DOCK9: variants seen among roughly 807,000 people sequenced by gnomAD.
DOCK9 encodes the protein dedicator of cytokinesis protein 9.
A neutral mutation model predicts 263.3 loss-of-function variants in DOCK9; 89 were observed. The observed-to-expected ratio is 0.34, with a 90% CI of 0.28 to 0.40. The LOEUF is 0.40. Ranked by LOEUF, DOCK9 falls within the 10% of genes least tolerant of loss-of-function variation. The pLI is 1.00. For synonymous variants in DOCK9, 976 were observed against 973.1 expected, an observed-to-expected ratio of 1.00 and a Z score of -0.06; for missense variants, 2,140 against 2,603.4, an observed-to-expected ratio of 0.82 and a Z score of 3.87.
At chr13:98,814,009 T>C (rs1011382443) in intron 45 of DOCK9, among the ~76,000 whole-genome samples, 13 of 152,236 alleles carry the variant, frequency 8.5e-5, no homozygotes, top group African/African-American at 3.1e-4. Context: ...TTCACAATAC[T>C]GTAAATGAAG....
intron 1 of DOCK9, among the ~76,000 whole-genome samples, chr13:99,062,968 C>A (rs892923343): frequency 3.3e-5 from 5 of 152,180 alleles, no homozygotes; most frequent in Admixed American, 6.5e-5. Context: ...GCTGGGCATC[C>A]ATCATGACAC....
intron 34 of DOCK9, among the ~76,000 whole-genome samples, chr13:98,855,089 C>A (rs1347724189): frequency 2.0e-5 from 3 of 152,202 alleles, no homozygotes; most frequent in African/African-American, 4.8e-5. Flanking sequence ...ATGGTCTGAG[C>A]ACTTAGTAGT....
At chr13:98,993,799 A>T (rs1880377844) in intron 1 of DOCK9, among the ~76,000 whole-genome samples, 1 of 133,766 alleles carries the variant, frequency 7.5e-6, no homozygotes, top group Non-Finnish European at 1.7e-5. Context: ...AATAAATAAA[A>T]GTTTTGGTTT....
intron 49 of DOCK9, among the ~76,000 whole-genome samples, chr13:98,800,849 A>G (rs2090033434): frequency 6.6e-6 from 1 of 152,354 alleles, no homozygotes; most frequent in South Asian, 2.1e-4. Context: ...ATTTTGAGAT[A>G]CTACATAACA....
At chr13:98,826,717 TCACAAACA>T (rs2140819500) in intron 44 of DOCK9, 105 bp downstream of exon 44, 30 of 853,098 alleles carry the variant, frequency 3.5e-5, no homozygotes, top group Non-Finnish European at 5.5e-5. Flanking sequence ...CGAATACACT[TCACAAACA>T]CACAAATCCC....
chr13:98,889,231 C>T (rs1053222257), intron 15 of DOCK9, among the ~76,000 whole-genome samples: 3 of 151,958 alleles, frequency 2.0e-5, no homozygotes, highest in South Asian at 2.1e-4. Context: ...TGAACTTTGG[C>T]GACTTGTGGG....
At chr13:98,957,811 A>C (rs1379305030) in intron 1 of DOCK9, among the ~76,000 whole-genome samples, 9 of 152,228 alleles carry the variant, frequency 5.9e-5, no homozygotes, top group African/African-American at 1.9e-4. Flanking sequence ...TCCATTACAA[A>C]GAGGTCAGAT....
chr13:98,861,317 A>G (rs971333780), intron 32 of DOCK9, among the ~76,000 whole-genome samples: 16 of 152,196 alleles, frequency 1.1e-4, no homozygotes, highest in Admixed American at 9.2e-4. Context: ...GGGACACTGC[A>G]TCACTGTTGG....
At position 99,042,606 on chromosome 13, in the gene DOCK9, T is replaced by C. The variant is rs1721869461; in HGVS notation, c.129+43617A>G. On this transcript the variant is annotated intron_variant, in intron 1 of 32. Transcript: ENST00000427887. ...TCTGGTGTAGGGGCCAGCAATCTCC[T>C]GTCAAAAGAGGAAGGAACGTGAAAA... Among the ~76,000 whole-genome samples, 4 of 152,222 alleles carry C rather than the reference T, an allele frequency of 2.6e-5. No homozygotes were observed. In the South Asian group the frequency reaches 8.3e-4, roughly 32 times the overall value.
chr13:98,874,189 C>T (rs1361885623), intron 27 of DOCK9, among the ~76,000 whole-genome samples: 1 of 152,228 alleles, frequency 6.6e-6, no homozygotes, highest in Non-Finnish European at 1.5e-5. Flanking sequence ...GCTCTGCGCT[C>T]TGTAGTTTTT....
At chr13:98,999,295 C>G (rs1009643805) in intron 1 of DOCK9, among the ~76,000 whole-genome samples, 8 of 118,266 alleles carry the variant, frequency 6.8e-5, no homozygotes, top group African/African-American at 1.1e-4. Context: ...CACGCGCACA[C>G]ACACACACAC....
intron 27 of DOCK9, among the ~76,000 whole-genome samples, chr13:98,875,364 C>T (rs4625591): frequency 0.042 from 6,369 of 152,250 alleles, 437 homozygotes; most frequent in African/African-American, 0.14. Flanking sequence ...CCAAACAGTC[C>T]ATTCAGACTA....
chr13:98,989,257 T>G (rs536058694), intron 1 of DOCK9, among the ~76,000 whole-genome samples: 1 of 151,774 alleles, frequency 6.6e-6, no homozygotes, highest in Non-Finnish European at 1.5e-5. Context: ...CCCTGTCTTG[T>G]AAGGGTTGCC....
Position 98,903,147 on chromosome 13 carries a change from T to C in DOCK9, c.1036-35A>G, listed in dbSNP as rs773521719. The stretch of plus-strand genomic sequence containing the variant: ...AAAATGTAAACATATAAATAAGTTA[T>C]GCTCTTATTTTAAAAAAACATCATA... On this transcript the variant is annotated intron_variant, in intron 10 of 52. Transcript: ENST00000682017. 9.7e-6 allele frequency: 14 copies of C among 1,439,842 alleles called. 1 individual carries two copies. The highest frequency in any genetic ancestry group is 3.0e-5 in the Admixed American group (1 of 33,790). 89.2% of individuals were successfully genotyped at this position (1,439,842 alleles called of 1,614,324 possible).
At chr13:98,986,441 C>T (rs1021517829) in intron 1 of DOCK9, among the ~76,000 whole-genome samples, 20 of 152,220 alleles carry the variant, frequency 1.3e-4, no homozygotes, top group African/African-American at 4.8e-4. Flanking sequence ...GGGTAAAGTC[C>T]ACCAGAAACT....
At chr13:98,992,201 G>A (rs1439147173) in intron 1 of DOCK9, among the ~76,000 whole-genome samples, 1 of 152,054 alleles carries the variant, frequency 6.6e-6, no homozygotes, top group Non-Finnish European at 1.5e-5. Context: ...TTCAGGAGAT[G>A]GGGTGCTATT....
chr13:98,888,816 ATT>A, intron 15 of DOCK9, 105 bp from the exon 16 acceptor site: 1 of 940,858 alleles, frequency 1.1e-6, no homozygotes, highest in Non-Finnish European at 1.6e-6. Flanking sequence ...CATAAAGACA[ATT>A]TTAAACATTC....
chr13:99,049,997 T>A (rs1353162315), intron 1 of DOCK9, among the ~76,000 whole-genome samples: 8 of 152,176 alleles, frequency 5.3e-5, no homozygotes, highest in Non-Finnish European at 1.0e-4. Flanking sequence ...TGCTATAGAT[T>A]TAAAAAATTG....
chr13:98,970,899 T>G (rs952018280), intron 1 of DOCK9, among the ~76,000 whole-genome samples: 2 of 152,154 alleles, frequency 1.3e-5, no homozygotes, highest in Admixed American at 6.5e-5. Context: ...CATTTCCAGG[T>G]GGCCAACCCA....
Sources: allele counts gnomAD v4.1 joint callset (sites outside exome capture counted in the v4.1 genomes callset), GRCh38; gene constraint gnomAD v4.1.1; transcripts MANE v1.5; gene names NCBI Gene and HGNC (gene_info 2026-07-23, HGNC 2026-07-21).